The following RBFOX3 variants were observed in gnomAD, a reference collection of about 807,000 sequenced individuals.
RBFOX3 encodes the protein RNA binding protein fox-1 homolog 3.
A neutral mutation model predicts 48.7 loss-of-function variants in RBFOX3; 17 were observed. That is an observed-to-expected ratio of 0.35 (90% CI 0.24 to 0.52). The LOEUF (loss-of-function observed/expected upper bound fraction) is 0.52. Ranked by LOEUF, RBFOX3 falls within the 20% of genes least tolerant of loss-of-function variation. The probability of loss-of-function intolerance (pLI) is 0.94; values close to 1 mark genes in which losing one functional copy is unlikely to be tolerated. For synonymous variants in RBFOX3, 212 were observed against 209.5 expected, an observed-to-expected ratio of 1.01 and a Z score of -0.10; for missense variants, 382 against 497.5, an observed-to-expected ratio of 0.77 and a Z score of 2.21.
upstream of RBFOX3, among the ~76,000 whole-genome samples, chr17:79,612,322 C>T (rs926415237): frequency 5.9e-5 from 9 of 152,338 alleles, no homozygotes; most frequent in Non-Finnish European, 1.2e-4. Flanking sequence ...AATTAGCCTC[C>T]TCCTCGCACC....
intron 2 of RBFOX3, among the ~76,000 whole-genome samples, chr17:79,403,572 C>G (rs1044696390): frequency 6.6e-6 from 1 of 152,218 alleles, no homozygotes; most frequent in Non-Finnish European, 1.5e-5. Context: ...CAGGTCTAGC[C>G]ACTGAGGGCT....
intron 3 of RBFOX3, among the ~76,000 whole-genome samples, chr17:79,296,923 T>C (rs2074463782): frequency 8.9e-5 from 7 of 78,916 alleles, no homozygotes; most frequent in South Asian, 5.9e-4. Flanking sequence ...ATCCCCTCTC[T>C]CTCCTCCCCC....
chr17:79,258,005 C>A (rs2065161586), intron 3 of RBFOX3, among the ~76,000 whole-genome samples: 1 of 152,160 alleles, frequency 6.6e-6, no homozygotes, highest in South Asian at 2.1e-4. Flanking sequence ...CCCTTTATCC[C>A]CTTCTCTCCC....
At chr17:79,417,227 T>C (rs752809429) in intron 2 of RBFOX3, among the ~76,000 whole-genome samples, 157 of 152,272 alleles carry the variant, frequency 1.0e-3, no homozygotes, top group Non-Finnish European at 1.5e-3. Flanking sequence ...TTCTCCTTGC[T>C]CCCCGTAAGA....
intron 3 of RBFOX3, among the ~76,000 whole-genome samples, chr17:79,280,348 A>G: frequency 6.6e-6 from 1 of 152,214 alleles, no homozygotes; most frequent in East Asian, 1.9e-4. Context: ...TCAATGCGAC[A>G]AAAAGAAAAC....
chr17:79,538,936 G>A (rs950196421), intron 1 of RBFOX3, among the ~76,000 whole-genome samples: 1 of 152,152 alleles, frequency 6.6e-6, no homozygotes, highest in African/African-American at 2.4e-5. Flanking sequence ...ATGAGAACAG[G>A]CTGTTCACAT....
chr17:79,410,143 A>C (rs2064094638), intron 2 of RBFOX3, among the ~76,000 whole-genome samples: 1 of 152,224 alleles, frequency 6.6e-6, no homozygotes, highest in South Asian at 2.1e-4. Flanking sequence ...TCAGCTCAGC[A>C]TGCGTGTGCA....
chr17:79,608,537 G>A (rs989444357), intron 1 of RBFOX3, among the ~76,000 whole-genome samples: 1 of 152,210 alleles, frequency 6.6e-6, no homozygotes, highest in African/African-American at 2.4e-5. Context: ...CCCCGGCCGT[G>A]CAAGCGCAAA....
intron 2 of RBFOX3, among the ~76,000 whole-genome samples, chr17:79,441,339 C>A (rs1319734715): frequency 6.6e-6 from 1 of 152,152 alleles, no homozygotes; most frequent in Non-Finnish European, 1.5e-5. Context: ...CCTGAGAAGG[C>A]AACCTTGTTG....
chr17:79,182,627 C>T (rs2052327679), intron 4 of RBFOX3, among the ~76,000 whole-genome samples: 1 of 151,838 alleles, frequency 6.6e-6, no homozygotes, highest in Admixed American at 6.6e-5. Flanking sequence ...GGCTCAGAGT[C>T]GCCGACTTTC....
intron 1 of RBFOX3, among the ~76,000 whole-genome samples, chr17:79,532,654 G>A (rs2087982314): frequency 6.6e-6 from 1 of 152,352 alleles, no homozygotes; most frequent in South Asian, 2.1e-4. Flanking sequence ...AGCGGCCAGG[G>A]GCCCCTGCCT....
At chr17:79,333,572 G>A (rs1199736337) in intron 2 of RBFOX3, among the ~76,000 whole-genome samples, 4 of 152,178 alleles carry the variant, frequency 2.6e-5, no homozygotes, top group Admixed American at 2.6e-4. Flanking sequence ...CATCCAGCTG[G>A]CTCTGCAGGT....
At position 79,198,232 on chromosome 17, in the gene RBFOX3, G is replaced by A. The variant is rs906957936; in HGVS notation, c.-34+37534C>T. ...GGACCAGACCAGAAGGGGAAATCATGGGTGACAACCGCCTCTGGCCAGCCC... is the reference window on the plus strand; with the variant it reads ...GGACCAGACCAGAAGGGGAAATCATAGGTGACAACCGCCTCTGGCCAGCCC... On this transcript the variant is annotated intron_variant, in intron 4 of 14. Transcript: ENST00000693108. The surrounding 1 kb of genome is among the most constrained non-coding windows in gnomAD (Gnocchi z 8.2). Among the ~76,000 whole-genome samples, 7 of 152,142 alleles carry A rather than the reference G, an allele frequency of 4.6e-5. No homozygotes were observed. The highest frequency in any genetic ancestry group is 1.4e-4 in the African/African-American group (6 of 41,422).
At chr17:79,143,012 G>A (rs931731108) in intron 4 of RBFOX3, among the ~76,000 whole-genome samples, 1 of 152,164 alleles carries the variant, frequency 6.6e-6, no homozygotes, top group South Asian at 2.1e-4. Flanking sequence ...CCTGGTGCAC[G>A]GTGGGCTGCT....
At chr17:79,147,388 G>T (rs2043250140) in intron 4 of RBFOX3, among the ~76,000 whole-genome samples, 1 of 152,224 alleles carries the variant, frequency 6.6e-6, no homozygotes, top group Admixed American at 6.5e-5. Context: ...TCAGAGTTGG[G>T]GTTTGAGCCC....
chr17:79,309,844 T>C (rs2076604698), intron 2 of RBFOX3, among the ~76,000 whole-genome samples: 2 of 152,154 alleles, frequency 1.3e-5, no homozygotes. Flanking sequence ...CGCACCTCAC[T>C]TCCCCTTCGC....
chr17:79,352,853 G>A (rs1056896612), intron 2 of RBFOX3, among the ~76,000 whole-genome samples: 1 of 152,344 alleles, frequency 6.6e-6, no homozygotes, highest in Non-Finnish European at 1.5e-5. Flanking sequence ...GTCTGCACTG[G>A]GAATGGGTCC....
At chr17:79,276,098 C>T (rs749215207) in intron 3 of RBFOX3, among the ~76,000 whole-genome samples, 5 of 152,150 alleles carry the variant, frequency 3.3e-5, no homozygotes, top group African/African-American at 4.8e-5. Context: ...GAAGACGGTA[C>T]GCTCAGAGGC....
At chr17:79,183,086 G>A (rs943346086) in intron 4 of RBFOX3, among the ~76,000 whole-genome samples, 4 of 148,358 alleles carry the variant, frequency 2.7e-5, no homozygotes, top group Non-Finnish European at 6.0e-5. Context: ...CCCGCGCTCG[G>A]CCGCCGCGCA....
Sources: gnomAD v4.1 joint callset for allele counts (sites outside exome capture counted in the v4.1 genomes callset) on GRCh38, gnomAD v4.1.1 for gene constraint, Gnocchi (gnomAD v3.1) non-coding constraint, MANE v1.5 for transcripts, NCBI Gene and HGNC (gene_info 2026-07-23, HGNC 2026-07-21) for gene names.